DSG2: variants seen among roughly 807,000 people sequenced by gnomAD.
The protein encoded by DSG2 is desmoglein-2.
Under a neutral mutation model 75.6 loss-of-function variants are expected in DSG2, and 45 were observed. The observed-to-expected ratio is 0.60, with a 90% confidence interval of 0.47 to 0.76. DSG2 has a LOEUF of 0.76. Among genes scored for constraint, DSG2 ranks in the 30% least tolerant of loss-of-function variants. The probability of loss-of-function intolerance (pLI) is 0.00; values close to 1 mark genes in which losing one functional copy is unlikely to be tolerated. For synonymous variants in DSG2, 429 were observed against 483.9 expected, an observed-to-expected ratio of 0.89 and a Z score of 1.49; for missense variants, 1,267 against 1,357.4, an observed-to-expected ratio of 0.93 and a Z score of 1.05.
chr18:31,542,135 G>A (rs151128108), intron 13 of DSG2: 97 of 298,840 alleles, frequency 3.2e-4, no homozygotes, highest in African/African-American at 1.7e-3. Flanking sequence ...ATACCTAGTG[G>A]CATCAGAGGC....
In DSG2 at chr18:31,531,053, C is replaced by T; in HGVS notation, c.1081C>T (p.His361Tyr). The change falls in exon 9 of 15, where the codon CAC becomes TAC. Residue 361 changes from histidine (H) to tyrosine (Y), a missense_variant. Transcript: ENST00000261590. Reference protein sequence around the residue: ...SVIVANKAAFHKSIRSKYKPT... With the variant: ...SVIVANKAAFYKSIRSKYKPT... ...TATTGTCGCTAATAAAGCAGCTTTT[C>T]ACAAGTCGATTAGGAGTAAATACAA... 1 of 1,614,036 alleles carries T rather than the reference C, an allele frequency of 6.2e-7. No individual in the cohort carries two copies.
At chr18:31,502,265 C>A (rs958536192) in intron 1 of DSG2, among the ~76,000 whole-genome samples, 1 of 152,056 alleles carries the variant, frequency 6.6e-6, no homozygotes, top group Non-Finnish European at 1.5e-5. Flanking sequence ...GGGGCGGGCT[C>A]ACTACAATAT....
chr18:31,541,595 C>T (rs1164194818), intron 13 of DSG2, among the ~76,000 whole-genome samples: 1 of 152,236 alleles, frequency 6.6e-6, no homozygotes, highest in East Asian at 1.9e-4. Flanking sequence ...GTCTTTTGTC[C>T]TAACATTAAA....
intron 11 of DSG2, among the ~76,000 whole-genome samples, chr18:31,538,525 AATC>A (rs1468920219): frequency 4.6e-5 from 7 of 152,316 alleles, no homozygotes; most frequent in Non-Finnish European, 8.8e-5. Context: ...GGTTACAGCT[AATC>A]ATCATGAAAG....
Position 31,524,516 on chromosome 18 carries a change from A to G in DSG2, c.759A>G (p.Val253=). ...DGNGEVTDKP[V]KQAQVQIRIL... The stretch of plus-strand genomic sequence containing the variant: ...ATGGAGAAGTTACAGACAAACCTGT[A>G]AAACAAGCTCAAGTTCAGATTCGTA... The change falls in exon 7 of 15, where the codon GTA becomes GTG. Residue 253 remains valine (V), a synonymous_variant. Coordinates refer to ENST00000261590, the MANE Select transcript of DSG2 (RefSeq NM_001943.5). The G allele has an allele frequency of 5.0e-6, 8 of 1,614,192 alleles. No homozygotes were observed. Among genetic ancestry groups the G allele is most frequent in the Non-Finnish European group, 6.8e-6 (8 of 1,180,016 alleles).
At position 31,546,819 on chromosome 18, in the gene DSG2, T is replaced by C; in HGVS notation, c.*76T>C. On this transcript the variant is annotated 3_prime_UTR_variant, in exon 15 of 15. Transcript: ENST00000261590. ...TCATGTTTCCAATGTACCTGATTTTTCATGAGCCTTACAGACACACAGAGA... is the reference window on the plus strand; with the variant it reads ...TCATGTTTCCAATGTACCTGATTTTCCATGAGCCTTACAGACACACAGAGA... 1 of 1,506,466 alleles carries C rather than the reference T, an allele frequency of 6.6e-7. No individual in the cohort carries two copies. The allele number at this position is 1,506,466 out of a possible 1,614,324, so 93.3% of individuals were successfully genotyped here. A position where few individuals can be genotyped will look rare whatever the true frequency, so the allele number is the denominator to read the frequency against.
chr18:31,545,708 G>GTTTTC lies in DSG2; in HGVS notation c.2335-12_2335-8dup, dbSNP rs1338727178. The stretch of plus-strand genomic sequence containing the variant: ...GTCTGTTTTGTGTTTGTTTTGTTTT[G>GTTTTC]TTTTCATTTTAGAAAGCGGCCTCTT... On this transcript the variant is annotated splice_polypyrimidine_tract_variant and intron_variant, in intron 14 of 14. Coordinates refer to ENST00000261590, the MANE Select transcript of DSG2 (RefSeq NM_001943.5). 6.2e-7 allele frequency: 1 copy of GTTTTC among 1,612,150 alleles called. No individual in the cohort carries two copies. Among genetic ancestry groups the GTTTTC allele is most frequent in the South Asian group, 1.1e-5 (1 of 91,070 alleles).
In DSG2 at chr18:31,520,959, T is replaced by C. The variant is rs2073124150; in HGVS notation, c.373T>C (p.Phe125Leu). ...SILDREETPFFLLTGYALDAR... is the reference protein window; with the variant it reads ...SILDREETPFLLLTGYALDAR... ...TCTTGATCGAGAAGAAACACCATTT[T>C]TTCTGGTAAGAAGAATAATTTTAGA... is the stretch of plus-strand genomic sequence containing the variant. Residue 125 changes from phenylalanine to leucine, a missense_variant, in exon 4 of 15, where the codon TTT becomes CTT. Physicochemically the swap from Phe to Leu is conservative, Grantham distance 22. Coordinates refer to ENST00000261590, the MANE Select transcript of DSG2 (RefSeq NM_001943.5). 16 of 1,613,608 alleles carry C rather than the reference T, an allele frequency of 9.9e-6. No individual in the cohort carries two copies. The highest frequency in any genetic ancestry group is 1.4e-5 in the Non-Finnish European group (16 of 1,179,832).
chr18:31,521,854 A>G (rs902954164), intron 5 of DSG2, among the ~76,000 whole-genome samples: 5 of 151,998 alleles, frequency 3.3e-5, no homozygotes, highest in African/African-American at 1.2e-4. Context: ...TTATACAGCA[A>G]TTTTTCAGGA....
At chr18:31,539,852 C>A (rs1410252198) in intron 12 of DSG2, among the ~76,000 whole-genome samples, 3 of 152,132 alleles carry the variant, frequency 2.0e-5, no homozygotes, top group Non-Finnish European at 2.9e-5. Flanking sequence ...CTCCCCATCA[C>A]TCGTGTTACC....
chr18:31,513,189 G>A (rs1200027673), intron 1 of DSG2, among the ~76,000 whole-genome samples: 3 of 152,208 alleles, frequency 2.0e-5, no homozygotes, highest in Admixed American at 1.3e-4. Flanking sequence ...AAAGTTTAGA[G>A]AGAGAGTTGG....
intron 1 of DSG2, among the ~76,000 whole-genome samples, chr18:31,507,498 G>A (rs185739599): frequency 1.4e-4 from 21 of 152,234 alleles, no homozygotes; most frequent in East Asian, 7.7e-4. Context: ...TTGATGAATC[G>A]CCACACTGTC....
intron 5 of DSG2, among the ~76,000 whole-genome samples, chr18:31,521,738 G>T (rs1384207388): frequency 6.6e-6 from 1 of 152,226 alleles, no homozygotes; most frequent in Non-Finnish European, 1.5e-5. Flanking sequence ...GAATAGTTAC[G>T]CTTCTCCTGA....
chr18:31,541,163 TTATC>T, intron 12 of DSG2, 26 bp from the exon 13 acceptor site: 1 of 1,613,924 alleles, frequency 6.2e-7, no homozygotes, highest in Non-Finnish European at 8.5e-7. Context: ...AAGGTTAACC[TTATC>T]TGTGTTCAAT....
chr18:31,518,850 T>C (rs2073110138), intron 2 of DSG2, among the ~76,000 whole-genome samples: 1 of 152,202 alleles, frequency 6.6e-6, no homozygotes, highest in Non-Finnish European at 1.5e-5. Flanking sequence ...ATTTCTGATC[T>C]TAAGATCCCA....
intron 1 of DSG2, among the ~76,000 whole-genome samples, chr18:31,509,639 A>G (rs187019535): frequency 1.0e-3 from 152 of 152,344 alleles, no homozygotes; most frequent in Non-Finnish European, 1.9e-3. Context: ...AAATAAGATT[A>G]AGAAGAGAAA....
chr18:31,529,518 C>G (rs1392563167), intron 8 of DSG2, among the ~76,000 whole-genome samples: 1 of 152,108 alleles, frequency 6.6e-6, no homozygotes, highest in Admixed American at 6.6e-5. Context: ...TCTTTTTCTC[C>G]TGTGTCCTTG....
At chr18:31,536,528 ATAGTTTTTTAAAGGAGTTTATGAAATG>A in intron 11 of DSG2, 99 bp downstream of exon 11, 1 of 1,306,256 alleles carries the variant, frequency 7.7e-7, no homozygotes, top group Non-Finnish European at 1.1e-6. Flanking sequence ...TATTTCCAAT[ATAGTTTTTTAAAGGAGTTTATGAAATG>A]AGGTCCTGAA....
rs752694817 is a variant in DSG2, at chr18:31,521,224, T to C, written c.504T>C (p.Val168=). 6.2e-7 allele frequency: 1 copy of C among 1,613,394 alleles called. No homozygotes were observed. Among genetic ancestry groups the C allele is most frequent in the Admixed American group, 1.7e-5 (1 of 59,968 alleles). ...VFTQDVFVGS[V]EELSAAHTLV... ...CACAGGATGTCTTTGTTGGGTCTGT[T>C]GAAGAGTTGAGTGCAGCACGTAAGA... Residue 168 remains valine, a synonymous_variant, in exon 5 of 15, where the codon GTT becomes GTC. Coordinates refer to ENST00000261590, the MANE Select transcript of DSG2 (RefSeq NM_001943.5).
Sources: allele counts gnomAD v4.1 joint callset (sites outside exome capture counted in the v4.1 genomes callset), GRCh38; gene constraint gnomAD v4.1.1; transcripts MANE v1.5; gene names NCBI Gene and HGNC (gene_info 2026-07-23, HGNC 2026-07-21).